TRPM8: variants seen among roughly 807,000 people sequenced by gnomAD.
TRPM8 encodes the protein transient receptor potential cation channel subfamily M member 8, also known as TRPM8 cationic channel.
A neutral mutation model predicts 133.7 loss-of-function variants in TRPM8; 110 were observed. The ratio of observed to expected loss-of-function variants is 0.82; its 90% CI spans 0.70 to 0.96. The LOEUF (loss-of-function observed/expected upper bound fraction) is 0.96, where lower values mean the gene tolerates loss of function less well. Among genes scored for constraint, TRPM8 ranks in the 40% least tolerant of loss-of-function variants. The pLI, the probability that TRPM8 is intolerant of heterozygous loss-of-function variation, is 0.00. For missense variants in TRPM8, 1,291 were observed against 1,379.5 expected (o/e 0.94, Z 1.02); for synonymous variants, 535 against 532.3 (o/e 1.01, Z -0.07).
intron 1 of TRPM8, among the ~76,000 whole-genome samples, chr2:233,925,685 G>A (rs1236740855): frequency 6.6e-6 from 1 of 152,094 alleles, no homozygotes; most frequent in East Asian, 1.9e-4. Flanking sequence ...ACAGGGAGGA[G>A]CTTGGAGCCA....
At chr2:233,972,142 A>C (rs998552292) in intron 17 of TRPM8, among the ~76,000 whole-genome samples, 2 of 151,882 alleles carry the variant, frequency 1.3e-5, no homozygotes, top group Non-Finnish European at 2.9e-5. Context: ...GTGTTTACAA[A>C]CCTTGAGCTA....
chr2:233,975,110 C>A (rs1691834918), intron 17 of TRPM8, among the ~76,000 whole-genome samples: 1 of 152,172 alleles, frequency 6.6e-6, no homozygotes, highest in South Asian at 2.1e-4. Flanking sequence ...GTTCCTAACA[C>A]ATACTCTGTT....
chr2:233,963,195 C>A, intron 12 of TRPM8, 87 bp from the exon 13 acceptor site: 1 of 787,694 alleles, frequency 1.3e-6, no homozygotes, highest in Non-Finnish European at 2.1e-6. Flanking sequence ...CCACAGAGCC[C>A]TCCAAACATG....
intron 24 of TRPM8, among the ~76,000 whole-genome samples, chr2:234,011,267 C>G (rs1257838186): frequency 1.3e-5 from 2 of 152,174 alleles, no homozygotes; most frequent in African/African-American, 4.8e-5. Flanking sequence ...AATCAGTTGG[C>G]TATAAATATG....
Position 233,960,823 on chromosome 2 carries a change from A to G in TRPM8, c.1410A>G (p.Arg470=), listed in dbSNP as rs199749969. ...EVMFTALIKD[R]PKFVRLFLEN... is the part of the protein sequence containing the mutation. Reference sequence around the variant, plus strand: ...TGTTTACGGCTCTCATAAAGGACAGACCCAAGTTTGTCCGCCTCTTTCTGG... The same window carrying G: ...TGTTTACGGCTCTCATAAAGGACAGGCCCAAGTTTGTCCGCCTCTTTCTGG... Residue 470 remains arginine, a synonymous_variant, in exon 12 of 26, where the codon AGA becomes AGG. Coordinates refer to ENST00000324695, the MANE Select transcript of TRPM8 (RefSeq NM_024080.5). 1.6e-5 allele frequency: 26 copies of G among 1,614,158 alleles called. No individual in the cohort carries two copies. Among genetic ancestry groups the G allele is most frequent in the Non-Finnish European group, 2.2e-5 (26 of 1,180,020 alleles).
At chr2:233,921,643 T>C (rs1425965373) in intron 1 of TRPM8, among the ~76,000 whole-genome samples, 1 of 149,620 alleles carries the variant, frequency 6.7e-6, no homozygotes, top group Admixed American at 6.7e-5. Context: ...TCTTTTCTTT[T>C]TTTTCTTTTT....
Position 233,935,480 on chromosome 2 carries a change from G to A in TRPM8, c.192-1873G>A, listed in dbSNP as rs114138076. On this transcript the variant is annotated intron_variant, in intron 3 of 25. Transcript: ENST00000324695. ...AACTTTATTGTGGGGTCTAGAACAC[G>A]GATAAGAGTGATGGAGGCACTGATC... Among the ~76,000 whole-genome samples, 451 of 151,298 alleles carry A rather than the reference G, an allele frequency of 3.0e-3. 1 individual carries two copies. Among genetic ancestry groups the A allele is most frequent in the African/African-American group, 0.01 (435 of 41,458 alleles).
At position 233,983,142 on chromosome 2, in the gene TRPM8, G is replaced by A. The variant is rs949469222; in HGVS notation, c.2679G>A (p.Glu893=). Reference sequence around the variant, plus strand: ...GGCAAGGGATCCTTAGGCAGAATGAGCAGCGCTGGAGGTGGATATTCCGTT... The same window carrying A: ...GGCAAGGGATCCTTAGGCAGAATGAACAGCGCTGGAGGTGGATATTCCGTT... ...VARQGILRQN[E]QRWRWIFRSV... is the part of the protein sequence containing the mutation. The change falls in exon 20 of 26, where the codon GAG becomes GAA. Residue 893 remains glutamate, a synonymous_variant. Coordinates refer to ENST00000324695, the MANE Select transcript of TRPM8 (RefSeq NM_024080.5). The A allele has an allele frequency of 6.2e-7, 1 of 1,614,176 alleles. No individual in the cohort carries two copies. Among genetic ancestry groups the A allele is most frequent in the Non-Finnish European group, 8.5e-7 (1 of 1,180,030 alleles).
chr2:233,943,315 A>G (rs1690962935), intron 6 of TRPM8, among the ~76,000 whole-genome samples: 2 of 151,990 alleles, frequency 1.3e-5, no homozygotes, highest in Non-Finnish European at 2.9e-5. Flanking sequence ...CTGGGAACCA[A>G]CCCAAATGTC....
intron 1 of TRPM8, among the ~76,000 whole-genome samples, chr2:233,924,662 G>A (rs1691476187): frequency 6.6e-6 from 1 of 152,204 alleles, no homozygotes; most frequent in Non-Finnish European, 1.5e-5. Flanking sequence ...GCTATTTGCT[G>A]CATCTCTTAA....
intron 24 of TRPM8, among the ~76,000 whole-genome samples, chr2:234,010,670 G>A (rs17865678): frequency 0.32 from 48,133 of 151,938 alleles, 7,937 homozygotes; most frequent in Middle Eastern, 0.38. Flanking sequence ...GATAATAAGC[G>A]TCGTAACAGG....
chr2:233,970,592 C>A, intron 17 of TRPM8, 166 bp downstream of exon 17: 1 of 645,138 alleles, frequency 1.6e-6, no homozygotes, highest in Non-Finnish European at 2.7e-6. Flanking sequence ...CATTTTCATA[C>A]CCTTAGTAAT....
chr2:234,004,039 C>T (rs113854484), intron 22 of TRPM8, among the ~76,000 whole-genome samples: 3,721 of 152,196 alleles, frequency 0.024, 76 homozygotes, highest in Middle Eastern at 0.044. Flanking sequence ...GGAAACAAAT[C>T]CCCCAATTTG....
chr2:233,970,154 C>G, intron 16 of TRPM8, 56 bp from the exon 17 acceptor site: 1 of 1,448,760 alleles, frequency 6.9e-7, no homozygotes, highest in Admixed American at 1.7e-5. Flanking sequence ...GAGGGGAGGG[C>G]TGTGCCCGTC....
intron 22 of TRPM8, among the ~76,000 whole-genome samples, chr2:233,996,784 A>C (rs1051564092): frequency 1.1e-4 from 17 of 152,204 alleles, no homozygotes; most frequent in African/African-American, 2.4e-5. Flanking sequence ...TGTAAATAGT[A>C]TGTTGAACGG....
rs965006058 is a variant in TRPM8, at chr2:233,977,655, G to A, written c.2356-2533G>A. ...AGCACCAGCAAAGCGGACAGTTCCT[G>A]TGGCCTCCCCCGAGGAGCCTGCCTT... On this transcript the variant is annotated intron_variant, in intron 17 of 25. Coordinates refer to ENST00000324695, the MANE Select transcript of TRPM8 (RefSeq NM_024080.5). Among the ~76,000 whole-genome samples, 5 of 152,188 alleles carry A rather than the reference G, an allele frequency of 3.3e-5. No individual in the cohort carries two copies. In the South Asian group the frequency reaches 6.2e-4, roughly 19 times the overall value.
chr2:233,920,327 A>G (rs999700137), intron 1 of TRPM8, among the ~76,000 whole-genome samples: 12 of 152,218 alleles, frequency 7.9e-5, no homozygotes, highest in African/African-American at 2.7e-4. Context: ...GGTCATTAAG[A>G]TTCCATTAAA....
chr2:233,963,050 C>A (rs1219886597), intron 12 of TRPM8, among the ~76,000 whole-genome samples: 1 of 152,118 alleles, frequency 6.6e-6, no homozygotes, highest in Non-Finnish European at 1.5e-5. Flanking sequence ...TTTTTTCACC[C>A]TTTATACCTT....
At chr2:233,965,048 T>G in intron 14 of TRPM8, among the ~76,000 whole-genome samples, 1 of 70,498 alleles carries the variant, frequency 1.4e-5, no homozygotes, top group South Asian at 5.9e-4. Flanking sequence ...GACTACTTTT[T>G]TTTGTGGGGG....
Sources: allele counts gnomAD v4.1 joint callset (sites outside exome capture counted in the v4.1 genomes callset), GRCh38; gene constraint gnomAD v4.1.1; transcripts MANE v1.5; gene names NCBI Gene and HGNC (gene_info 2026-07-23, HGNC 2026-07-21).